Variants in SBNO1 observed in about 807,000 individuals in gnomAD.
The protein encoded by SBNO1 is protein strawberry notch homolog 1.
In SBNO1, 23 loss-of-function variants were observed where a neutral mutation model predicts 173.6. The ratio of observed to expected loss-of-function variants is 0.13; its 90% confidence interval spans 0.10 to 0.19. The LOEUF (loss-of-function observed/expected upper bound fraction) is 0.19, where lower values mean the gene tolerates loss of function less well. Among genes scored for constraint, SBNO1 ranks in the 10% least tolerant of loss-of-function variants. The pLI is 1.00. For missense variants in SBNO1, 1,238 were observed against 1,671.2 expected, an observed-to-expected ratio of 0.74 and a Z score of 4.52; for synonymous variants, 632 against 571.5, an observed-to-expected ratio of 1.11 and a Z score of -1.51.
chr12:123,312,574 T>C (rs1042199200), intron 24 of SBNO1, among the ~76,000 whole-genome samples: 1 of 151,880 alleles, frequency 6.6e-6, no homozygotes, highest in African/African-American at 2.4e-5. Context: ...TAGCCAGGTA[T>C]GGTGGCGGGC....
Position 123,294,923 on chromosome 12 carries a change from C to T in SBNO1, c.*985G>A, listed in dbSNP as rs752369626. On this transcript the variant is annotated 3_prime_UTR_variant, in exon 32 of 32. Transcript: ENST00000602398. Reference sequence around the variant, plus strand: ...CACACAGCAGAAGCCTCAAGTGTTTCCTCATTGTCTACAACTCAGGTATGG... The same window carrying T: ...CACACAGCAGAAGCCTCAAGTGTTTTCTCATTGTCTACAACTCAGGTATGG... 8 of 152,154 alleles carry T rather than the reference C, an allele frequency of 5.3e-5. No individual in the cohort carries two copies. The highest frequency in any genetic ancestry group is 1.0e-4 in the Non-Finnish European group (7 of 68,040). The allele number at this position is 152,154 out of a possible 1,614,324, so 9.4% of individuals were successfully genotyped here.
At chr12:123,349,091 C>T (rs983856452) in intron 2 of SBNO1, 19 of 150,778 alleles carry the variant, frequency 1.3e-4, no homozygotes, top group African/African-American at 3.2e-4. Context: ...ACACTGCACT[C>T]GGACCAGTCT....
rs978133087 is a variant in SBNO1, at chr12:123,313,291, T to A, written c.3220+329A>T. 1.3e-4 allele frequency among the ~76,000 whole-genome samples: 19 copies of A among 150,018 alleles called. No individual in the cohort carries two copies. In the East Asian group the frequency reaches 2.5e-3, roughly 20 times the overall value. ...AGACTCGGTCTTAAAAAAAATAAAA[T>A]AAATAAATAAATAAATAATTTTTAA... On this transcript the variant is annotated intron_variant, in intron 24 of 31. Coordinates refer to ENST00000602398, the MANE Select transcript of SBNO1 (RefSeq NM_001167856.3).
intron 1 of SBNO1, among the ~76,000 whole-genome samples, chr12:123,357,320 C>T (rs1458749808): frequency 6.6e-6 from 1 of 151,704 alleles, no homozygotes; most frequent in Non-Finnish European, 1.5e-5. Context: ...GGCATGGTGG[C>T]GTGCCTGTAA....
intron 12 of SBNO1, 24 bp from the exon 13 acceptor site, chr12:123,327,603 T>C (rs757060866): frequency 6.2e-7 from 1 of 1,607,050 alleles, no homozygotes; most frequent in South Asian, 1.1e-5. Flanking sequence ...AAACATACAG[T>C]AATTACCAAT....
intron 9 of SBNO1, among the ~76,000 whole-genome samples, chr12:123,330,016 ATAAC>A (rs1456303177): frequency 1.3e-5 from 2 of 152,226 alleles, no homozygotes; most frequent in African/African-American, 4.8e-5. Context: ...TGCCCAAGCC[ATAAC>A]TATCTACATC....
intron 1 of SBNO1, among the ~76,000 whole-genome samples, chr12:123,363,253 A>C (rs1447985846): frequency 6.6e-6 from 1 of 152,208 alleles, no homozygotes; most frequent in Non-Finnish European, 1.5e-5. Flanking sequence ...TGCTTGCAAA[A>C]TTAATGTCCC....
intron 30 of SBNO1, 90 bp from the exon 31 acceptor site, chr12:123,298,261 T>A (rs1792871237): frequency 8.9e-7 from 1 of 1,124,212 alleles, no homozygotes. Flanking sequence ...CTCAAATTTC[T>A]TTTCTTTTCT....
At chr12:123,320,151 G>C in intron 19 of SBNO1, 120 bp from the exon 20 acceptor site, 1 of 1,118,754 alleles carries the variant, frequency 8.9e-7, no homozygotes, top group South Asian at 1.5e-5. Context: ...ACCACACACT[G>C]AAGGATACAG....
chr12:123,320,669 A>G, intron 18 of SBNO1, 30 bp downstream of exon 18: 1 of 1,595,480 alleles, frequency 6.3e-7, no homozygotes, highest in Non-Finnish European at 8.5e-7. Context: ...TTAAAACAGT[A>G]TTTCAAAAAG....
At chr12:123,318,137 C>A (rs1270244632) in intron 20 of SBNO1, among the ~76,000 whole-genome samples, 3 of 152,090 alleles carry the variant, frequency 2.0e-5, no homozygotes, top group Non-Finnish European at 4.4e-5. Context: ...TTTCCCTGTA[C>A]AGGGCAGGGT....
chr12:123,317,414 C>T (rs1424301780), intron 20 of SBNO1, 58 bp from the exon 21 acceptor site: 5 of 1,530,990 alleles, frequency 3.3e-6, no homozygotes, highest in Non-Finnish European at 3.6e-6. Context: ...CAGGCCAGTG[C>T]CTTAAATGAA....
chr12:123,333,622 G>A (rs777776014), intron 7 of SBNO1, among the ~76,000 whole-genome samples: 1 of 151,528 alleles, frequency 6.6e-6, no homozygotes, highest in Non-Finnish European at 1.5e-5. Context: ...TCAGCTTCCC[G>A]AGAAACTGGG....
chr12:123,320,319 A>G, intron 19 of SBNO1, 113 bp downstream of exon 19: 2 of 1,083,516 alleles, frequency 1.8e-6, no homozygotes, highest in Non-Finnish European at 2.7e-6. Flanking sequence ...AAGTAGAACA[A>G]GAATTCTATG....
At chr12:123,359,572 A>C (rs1023404828) in intron 1 of SBNO1, among the ~76,000 whole-genome samples, 1 of 150,016 alleles carries the variant, frequency 6.7e-6, no homozygotes, top group Non-Finnish European at 1.5e-5. Flanking sequence ...AAAAAAAGAT[A>C]TATATATAGT....
Position 123,331,204 on chromosome 12 carries a change from C to A in SBNO1, c.1043+38G>T, listed in dbSNP as rs561409096. On this transcript the variant is annotated intron_variant, in intron 8 of 31. Transcript: ENST00000602398. The stretch of plus-strand genomic sequence containing the variant: ...GTCTCGATCTCCTAACCTCGTGATC[C>A]GCTGCGCCTGGCCCACAGCCAGTTT... 6.3e-5 allele frequency: 101 copies of A among 1,605,642 alleles called. 2 individuals carry two copies. In the South Asian group the frequency reaches 1.0e-3, roughly 17 times the overall value.
At chr12:123,319,244 C>A (rs1012056462) in intron 20 of SBNO1, among the ~76,000 whole-genome samples, 1 of 151,988 alleles carries the variant, frequency 6.6e-6, no homozygotes, top group African/African-American at 2.4e-5. Flanking sequence ...GGATTACAGG[C>A]GTGAGCCACC....
intron 1 of SBNO1, among the ~76,000 whole-genome samples, chr12:123,355,994 T>C (rs1200808226): frequency 6.6e-6 from 1 of 152,118 alleles, no homozygotes; most frequent in Non-Finnish European, 1.5e-5. Flanking sequence ...CACAGAAAGT[T>C]ACCAAGGGGG....
At chr12:123,317,789 C>CT (rs1375069669) in intron 20 of SBNO1, among the ~76,000 whole-genome samples, 2 of 152,300 alleles carry the variant, frequency 1.3e-5, no homozygotes, top group African/African-American at 4.8e-5. Context: ...GAGAAATAAT[C>CT]TATCTTATTG....
Sources: gnomAD v4.1 joint callset for allele counts (sites outside exome capture counted in the v4.1 genomes callset) on GRCh38, gnomAD v4.1.1 for gene constraint, MANE v1.5 for transcripts, NCBI Gene and HGNC (gene_info 2026-07-23, HGNC 2026-07-21) for gene names.